The following MCTP2 variants were observed in gnomAD, a reference collection of about 807,000 sequenced individuals.
MCTP2 encodes multiple C2 and transmembrane domain containing 2.
A neutral mutation model predicts 111.6 loss-of-function variants in MCTP2; 132 were observed. That is an observed-to-expected ratio of 1.18 (90% confidence interval 1.03 to 1.37). MCTP2 has a LOEUF of 1.37. Ranked by LOEUF, MCTP2 falls within the 40% of genes most tolerant of loss-of-function variation. MCTP2 has a pLI of 0.00. For synonymous variants in MCTP2, 395 were observed against 387.7 expected (o/e 1.02, Z -0.22); for missense variants, 1,183 against 1,067.9 (o/e 1.11, Z -1.50).
Position 94,314,894 on chromosome 15 carries a change from A to G in MCTP2, c.528+550A>G, listed in dbSNP as rs1314456814. The G allele has an allele frequency of 1.8e-5, 7 of 393,152 alleles. No individual in the cohort carries two copies. The Admixed American group carries it at 1.9e-4, about 11-fold the overall frequency. The allele number at this position is 393,152 out of a possible 1,614,324, so 24.4% of individuals were successfully genotyped here. The stretch of plus-strand genomic sequence containing the variant: ...GACTGTGAGGATTAGAGTAAGAGAC[A>G]CTAAGAGTGGGTGCCAGAGAATGAA... On this transcript the variant is annotated intron_variant, in intron 3 of 22. Coordinates refer to ENST00000357742, the MANE Select transcript of MCTP2 (RefSeq NM_001385001.1).
chr15:94,334,307 G>A (rs1271440964), intron 4 of MCTP2, among the ~76,000 whole-genome samples: 1 of 152,202 alleles, frequency 6.6e-6, no homozygotes, highest in Non-Finnish European at 1.5e-5. Flanking sequence ...AGGAACGTCT[G>A]AGACTTTAAT....
At chr15:94,380,539 G>A (rs1049434005) in intron 12 of MCTP2, among the ~76,000 whole-genome samples, 2 of 152,092 alleles carry the variant, frequency 1.3e-5, no homozygotes, top group South Asian at 4.1e-4. Context: ...AGGCTGAGGT[G>A]GGTGGATCAC....
At chr15:94,356,473 GTA>G (rs2078632264) in intron 9 of MCTP2, among the ~76,000 whole-genome samples, 172 bp downstream of exon 9, 1 of 152,152 alleles carries the variant, frequency 6.6e-6, no homozygotes, top group Non-Finnish European at 1.5e-5. Flanking sequence ...ATTAATGTGG[GTA>G]TTGTTTTAAT....
At chr15:94,394,049 CAAAA>C (rs767685107) in intron 14 of MCTP2, among the ~76,000 whole-genome samples, 4,080 of 61,586 alleles carry the variant, frequency 0.066, 52 homozygotes, top group Middle Eastern at 0.082. Flanking sequence ...AACTCCATCT[CAAAA>C]AAAAAAAAAA....
rs147521801 is a variant in MCTP2, at chr15:94,415,547, C to A, written c.2085+13528C>A. Among the ~76,000 whole-genome samples, 893 of 152,234 alleles carry A rather than the reference C, an allele frequency of 5.9e-3. 5 individuals carry two copies. Among genetic ancestry groups the A allele is most frequent in the African/African-American group, 0.019 (809 of 41,556 alleles). On this transcript the variant is annotated intron_variant, in intron 17 of 22. Coordinates refer to ENST00000357742, the MANE Select transcript of MCTP2 (RefSeq NM_001385001.1). The stretch of plus-strand genomic sequence containing the variant: ...TCATAATCCTTTCGCAGTGCCATAA[C>A]ACCCCGTGCAGCATTCTCCTTTTAG...
chr15:94,311,234 C>T (rs750225082), intron 2 of MCTP2, among the ~76,000 whole-genome samples: 10 of 151,836 alleles, frequency 6.6e-5, no homozygotes, highest in Admixed American at 1.3e-4. Flanking sequence ...GCCATGTTGG[C>T]CAGGCTGGTC....
At chr15:94,350,666 C>G (rs1324667733) in intron 8 of MCTP2, among the ~76,000 whole-genome samples, 2 of 152,180 alleles carry the variant, frequency 1.3e-5, no homozygotes, top group African/African-American at 4.8e-5. Context: ...TACTCCCAGC[C>G]CTCGGTAGGG....
intron 20 of MCTP2, 79 bp downstream of exon 20, chr15:94,458,325 C>A: frequency 2.3e-6 from 2 of 857,436 alleles, no homozygotes; most frequent in Non-Finnish European, 4.0e-6. Flanking sequence ...CAGTGGTGTG[C>A]GACAAAGGGA....
At chr15:94,287,167 T>C (rs780442338) in intron 1 of MCTP2, among the ~76,000 whole-genome samples, 13 of 152,184 alleles carry the variant, frequency 8.5e-5, no homozygotes, top group Non-Finnish European at 1.5e-4. Context: ...GTCTGGAAAA[T>C]ACATTGTTCA....
At position 94,481,777 on chromosome 15, in the gene MCTP2, C is replaced by T. The variant is rs1430965609; in HGVS notation, c.*2743C>T. On this transcript the variant is annotated 3_prime_UTR_variant, in exon 23 of 23. Coordinates refer to ENST00000357742, the MANE Select transcript of MCTP2 (RefSeq NM_001385001.1). ...ACTGAATAGCCCATTACAGCTAGCA[C>T]CTAATAGTTACTCAGGAAATAAATA... 2 of 152,234 alleles carry T rather than the reference C, an allele frequency of 1.3e-5. No homozygotes were observed. Among genetic ancestry groups the T allele is most frequent in the African/African-American group, 4.8e-5 (2 of 41,462 alleles). The allele number at this position is 152,234 out of a possible 1,614,324, so 9.4% of individuals were successfully genotyped here. A position where few individuals can be genotyped will look rare whatever the true frequency, so the allele number is the denominator to read the frequency against.
At position 94,356,125 on chromosome 15, in the gene MCTP2, T is replaced by C. The variant is rs2164019; in HGVS notation, c.1006-12T>C. Reference sequence around the variant, plus strand: ...AAGCAAGTTTACATGTCATCTTTATTTTTTGCTTTAGTCCTCTTTGATACG... The same window carrying C: ...AAGCAAGTTTACATGTCATCTTTATCTTTTGCTTTAGTCCTCTTTGATACG... On this transcript the variant is annotated splice_polypyrimidine_tract_variant and intron_variant, in intron 8 of 22. Coordinates refer to ENST00000357742, the MANE Select transcript of MCTP2 (RefSeq NM_001385001.1). 9.1e-6 allele frequency: 14 copies of C among 1,540,254 alleles called. No homozygotes were observed. In the Admixed American group the frequency reaches 2.5e-4, roughly 28 times the overall value.
chr15:94,476,639 GATA>G, intron 21 of MCTP2, 54 bp from the exon 22 acceptor site: 5 of 887,086 alleles, frequency 5.6e-6, no homozygotes, highest in South Asian at 2.8e-5. Context: ...TAGATAGATA[GATA>G]GATAGATAGA....
At chr15:94,307,736 C>A (rs978313342) in intron 2 of MCTP2, among the ~76,000 whole-genome samples, 1 of 152,078 alleles carries the variant, frequency 6.6e-6, no homozygotes, top group African/African-American at 2.4e-5. Flanking sequence ...TTGCCTTGGA[C>A]AAAAGATATG....
At position 94,470,351 on chromosome 15, in the gene MCTP2, C is replaced by T. The variant is rs375490719; in HGVS notation, c.2379C>T (p.Val793=). 1.1e-5 allele frequency: 18 copies of T among 1,610,276 alleles called. No homozygotes were observed. Among genetic ancestry groups the T allele is most frequent in the Non-Finnish European group, 1.5e-5 (18 of 1,176,654 alleles). The change falls in exon 21 of 23, where the codon GTC becomes GTT. Residue 793 remains valine (V), a synonymous_variant. Coordinates refer to ENST00000357742, the MANE Select transcript of MCTP2 (RefSeq NM_001385001.1). ...TCTACAGCACATTTAACTGGACGGT[C>T]CCCTTCCTTTCATCTCTGGCCTGTT... is the stretch of plus-strand genomic sequence containing the variant. ...ERIKNTFNWT[V]PFLSSLACLI... is the part of the protein sequence containing the mutation.
At chr15:94,275,973 T>C (rs552465872) in intron 1 of MCTP2, among the ~76,000 whole-genome samples, 9 of 151,662 alleles carry the variant, frequency 5.9e-5, no homozygotes, top group South Asian at 4.2e-4. Context: ...CTCAGCCTCC[T>C]GAGTAGCTGG....
At chr15:94,243,888 CATAT>C (rs569662410) in intron 1 of MCTP2, among the ~76,000 whole-genome samples, 5 of 146,184 alleles carry the variant, frequency 3.4e-5, no homozygotes, top group Admixed American at 6.8e-5. Context: ...TTTATGTACA[CATAT>C]ATGTATACAC....
chr15:94,395,309 A>G (rs113852895), intron 14 of MCTP2, among the ~76,000 whole-genome samples: 3 of 152,344 alleles, frequency 2.0e-5, no homozygotes, highest in African/African-American at 7.2e-5. Context: ...TGCTATTTAT[A>G]CGCAACATCC....
rs2084959617 is a variant in MCTP2 at position 94,458,254 on chromosome 15, C to G, written c.2360+8C>G. ...TGGAGAAAGGATTAAGAAGTAAGTT[C>G]TAAATTTGTGTTGTGGTGTTTGCAG... On this transcript the variant is annotated splice_region_variant and intron_variant, in intron 20 of 22. Transcript: ENST00000357742. 8 of 1,551,208 alleles carry G rather than the reference C, an allele frequency of 5.2e-6. No homozygotes were observed. Among genetic ancestry groups the G allele is most frequent in the Non-Finnish European group, 7.1e-6 (8 of 1,123,014 alleles).
At position 94,400,013 on chromosome 15, in the gene MCTP2, G is replaced by T. The variant is rs1473153081; in HGVS notation, c.1965+18G>T. ...CCAAAAAGGTGGGTCGCTACAGTAG[G>T]TGGCTTGTTGATTGGTACACTCAGC... On this transcript the variant is annotated intron_variant, in intron 16 of 22. Transcript: ENST00000357742. 6.2e-7 allele frequency: 1 copy of T among 1,612,144 alleles called. No individual in the cohort carries two copies. Among genetic ancestry groups the T allele is most frequent in the East Asian group, 2.2e-5 (1 of 44,866 alleles).
Sources: allele counts gnomAD v4.1 joint callset (sites outside exome capture counted in the v4.1 genomes callset), GRCh38; gene constraint gnomAD v4.1.1; transcripts MANE v1.5; gene names NCBI Gene and HGNC (gene_info 2026-07-23, HGNC 2026-07-21).